Variants in SLC11A2 observed in about 807,000 individuals in gnomAD.
SLC11A2 encodes the protein natural resistance-associated macrophage protein 2.
In SLC11A2, 38 loss-of-function variants were observed where a neutral mutation model predicts 68.0. The ratio of observed to expected loss-of-function variants is 0.56; its 90% CI spans 0.43 to 0.73. SLC11A2 has a LOEUF of 0.73. SLC11A2 is among the 30% of genes least tolerant of loss of function. The pLI, the probability that SLC11A2 is intolerant of heterozygous loss-of-function variation, is 0.00. For missense variants in SLC11A2, 517 were observed against 690.5 expected, an observed-to-expected ratio of 0.75 and a Z score of 2.82; for synonymous variants, 242 against 250.6, an observed-to-expected ratio of 0.97 and a Z score of 0.32.
chr12:50,995,616 C>G lies in SLC11A2; in HGVS notation c.990+13G>C. The G allele has an allele frequency of 6.2e-7, 1 of 1,614,024 alleles. No homozygotes were observed. Among genetic ancestry groups the G allele is most frequent in the Non-Finnish European group, 8.5e-7 (1 of 1,179,886 alleles). ...CTCACATTCACTACCACCCATAACC[C>G]TGGCTTACTCACCACCTGCTCGTTG... On this transcript the variant is annotated intron_variant, in intron 10 of 15. Coordinates refer to ENST00000262052, the MANE Select transcript of SLC11A2 (RefSeq NM_000617.3).
At chr12:51,026,185 C>CAG (rs1944372004) in intron 1 of SLC11A2, 125 bp downstream of exon 1, 1 of 1,182,734 alleles carries the variant, frequency 8.5e-7, no homozygotes, top group Admixed American at 3.6e-5. Flanking sequence ...CACAGCCCCG[C>CAG]ACGGCGAGCC....
At chr12:50,971,853 A>G in the SLC11A2 span, among the ~76,000 whole-genome samples, 2 of 152,252 alleles carry the variant, frequency 1.3e-5, no homozygotes, top group African/African-American at 2.4e-5. Flanking sequence ...GTAAGAATAT[A>G]TGAAAATATG....
chr12:51,000,451 T>C (rs966792037), intron 5 of SLC11A2, 32 bp from the exon 6 acceptor site: 2 of 1,511,070 alleles, frequency 1.3e-6, no homozygotes, highest in Admixed American at 1.7e-5. Context: ...GACACGGTTC[T>C]GATTAATCAT....
At chr12:50,997,091 T>C in intron 8 of SLC11A2, 119 bp from the exon 9 acceptor site, 1 of 826,094 alleles carries the variant, frequency 1.2e-6, no homozygotes. Flanking sequence ...ATTTTTATAT[T>C]TTTTGAGATA....
downstream of SLC11A2, among the ~76,000 whole-genome samples, chr12:50,975,916 T>C (rs1095997): frequency 0.91 from 138,156 of 152,062 alleles, 63,047 homozygotes; most frequent in East Asian, 0.98. Context: ...TTCCTTGACA[T>C]ATACACTCTC....
At chr12:51,022,440 A>G (rs1944111666) in intron 1 of SLC11A2, among the ~76,000 whole-genome samples, 1 of 438 alleles carries the variant, frequency 2.3e-3, no homozygotes, top group Non-Finnish European at 7.9e-3. Flanking sequence ...CTTTTTTCCA[A>G]AAAAAAAAAA....
At chr12:50,971,114 A>G in the SLC11A2 span, among the ~76,000 whole-genome samples, 1 of 152,262 alleles carries the variant, frequency 6.6e-6, no homozygotes, top group South Asian at 2.1e-4. Context: ...TCCTGACCTC[A>G]GGTGATTCAC....
At chr12:50,999,153 T>C in intron 8 of SLC11A2, 21 bp downstream of exon 8, 6 of 1,571,806 alleles carry the variant, frequency 3.8e-6, no homozygotes, top group South Asian at 1.1e-5. Context: ...AAGAAGCTAA[T>C]GAATATCCTG....
chr12:51,019,327 C>T (rs995860445), intron 1 of SLC11A2, among the ~76,000 whole-genome samples: 2 of 152,160 alleles, frequency 1.3e-5, no homozygotes, highest in South Asian at 4.1e-4. Flanking sequence ...TCTCTTTTCC[C>T]TAATGGTCTA....
At position 50,988,167 on chromosome 12, in the gene SLC11A2, A is replaced by G. The variant is rs367902302; in HGVS notation, c.*158T>C. The G allele has an allele frequency of 2.0e-6, 3 of 1,531,118 alleles. No individual in the cohort carries two copies. The highest frequency in any genetic ancestry group is 2.5e-5 in the East Asian group (1 of 40,324). The allele number at this position is 1,531,118 out of a possible 1,614,324, so 94.8% of individuals were successfully genotyped here. A position where few individuals can be genotyped will look rare whatever the true frequency, so the allele number is the denominator to read the frequency against. On this transcript the variant is annotated 3_prime_UTR_variant, in exon 16 of 16. Transcript: ENST00000262052. ...AGGTCAGGAAGGAAAAAATAATTCC[A>G]TCTTTCAAATACACATGAAACAAAG...
chr12:50,952,346 T>C, the SLC11A2 span, among the ~76,000 whole-genome samples: 1 of 152,176 alleles, frequency 6.6e-6, no homozygotes, highest in Non-Finnish European at 1.5e-5. Flanking sequence ...CTTTGTACTA[T>C]TCTGGGGACT....
In SLC11A2 at chr12:50,988,287, C is replaced by T. The variant is rs767908116; in HGVS notation, c.*38G>A. On this transcript the variant is annotated 3_prime_UTR_variant, in exon 16 of 16. Transcript: ENST00000262052. ...ACAGTAAACCATAGAAACACACTGGCTCTGATGGCTACCTGCAGAAGACAG... is the reference window on the plus strand; with the variant it reads ...ACAGTAAACCATAGAAACACACTGGTTCTGATGGCTACCTGCAGAAGACAG... 3 of 1,613,558 alleles carry T rather than the reference C, an allele frequency of 1.9e-6. No homozygotes were observed. The highest frequency in any genetic ancestry group is 1.7e-5 in the Admixed American group (1 of 59,944).
the SLC11A2 span, among the ~76,000 whole-genome samples, chr12:50,972,186 A>G: frequency 6.6e-6 from 1 of 152,244 alleles, no homozygotes; most frequent in Admixed American, 6.5e-5. Context: ...TAACCAGGCC[A>G]CTGGAAATAT....
chr12:51,008,247 TAG>T (rs879774201), intron 3 of SLC11A2: 78,212 of 432,158 alleles, frequency 0.18, 9,051 homozygotes, highest in East Asian at 0.51. Flanking sequence ...GATAGATAGA[TAG>T]ATAGATAGAT....
intron 5 of SLC11A2, among the ~76,000 whole-genome samples, chr12:51,001,267 G>C (rs1283116714): frequency 6.6e-6 from 1 of 150,582 alleles, no homozygotes; most frequent in African/African-American, 2.4e-5. Context: ...CCAGGAGTTT[G>C]AGACCAGCCT....
intron 11 of SLC11A2, among the ~76,000 whole-genome samples, chr12:50,993,600 G>GC (rs80289305): frequency 8.6e-5 from 13 of 151,828 alleles, no homozygotes; most frequent in Non-Finnish European, 7.4e-5. Context: ...CCGAGGGGGG[G>GC]GTGGATCACC....
At chr12:50,995,494 T>TG (rs887878830) in intron 10 of SLC11A2, 135 bp downstream of exon 10, 20 of 921,264 alleles carry the variant, frequency 2.2e-5, no homozygotes, top group Non-Finnish European at 2.4e-5. Flanking sequence ...ACAGTGATTT[T>TG]GGGGGGCAGA....
intron 14 of SLC11A2, 69 bp downstream of exon 14, chr12:50,991,530 G>T: frequency 8.4e-7 from 1 of 1,189,500 alleles, no homozygotes; most frequent in Admixed American, 1.8e-5. Flanking sequence ...CGTCTGACTG[G>T]CCTACTGCAT....
Position 50,986,842 on chromosome 12 carries a change from C to T in SLC11A2, c.*1483G>A, listed in dbSNP as rs757190615. The T allele has an allele frequency of 7.0e-6, 9 of 1,287,142 alleles. No homozygotes were observed. Among genetic ancestry groups the T allele is most frequent in the East Asian group, 1.1e-4 (2 of 18,022 alleles). The allele number at this position is 1,287,142 out of a possible 1,614,324, so 79.7% of individuals were successfully genotyped here. ...TATAAAAGACCATCCATCCAGTCTG[C>T]GCTTTTGACTGTGTGCAAGTATCAG... is the stretch of plus-strand genomic sequence containing the variant. On this transcript the variant is annotated 3_prime_UTR_variant, in exon 16 of 16. Transcript: ENST00000262052.
Sources: gnomAD v4.1 joint callset for allele counts (sites outside exome capture counted in the v4.1 genomes callset) on GRCh38, gnomAD v4.1.1 for gene constraint, MANE v1.5 for transcripts, NCBI Gene and HGNC (gene_info 2026-07-23, HGNC 2026-07-21) for gene names.